The following PLEKHA5 variants were observed in gnomAD, a reference collection of about 807,000 sequenced individuals.
PLEKHA5 encodes pleckstrin homology domain-containing family A member 5.
A neutral mutation model predicts 181.9 loss-of-function variants in PLEKHA5; 55 were observed. That is an observed-to-expected ratio of 0.30 (90% CI 0.24 to 0.38). The LOEUF is 0.38. PLEKHA5 is among the 10% of genes least tolerant of loss of function. PLEKHA5 has a pLI of 1.00. For synonymous variants in PLEKHA5, 535 were observed against 529.4 expected (o/e 1.01, Z -0.15); for missense variants, 1,432 against 1,549.5 (o/e 0.92, Z 1.27).
At chr12:19,335,030 GTTTT>G (rs11461419) in intron 20 of PLEKHA5, among the ~76,000 whole-genome samples, 4 of 92,624 alleles carry the variant, frequency 4.3e-5, no homozygotes, top group African/African-American at 1.6e-4. Context: ...TCAGTTTTTT[GTTTT>G]TTTTTTTTTC....
At chr12:19,358,099 T>C (rs112046785) in intron 26 of PLEKHA5, 129 bp from the exon 27 acceptor site, 3 of 657,758 alleles carry the variant, frequency 4.6e-6, no homozygotes, top group African/African-American at 3.6e-5. Context: ...GATATCTAAA[T>C]GACATTCAAA....
At chr12:19,310,313 T>C (rs1383241225) in intron 15 of PLEKHA5, among the ~76,000 whole-genome samples, 1 of 152,172 alleles carries the variant, frequency 6.6e-6, no homozygotes, top group Admixed American at 6.5e-5. Context: ...TATTTATTTA[T>C]GTATTTATTT....
At chr12:19,200,760 A>G (rs1307807723) in intron 3 of PLEKHA5, 1 of 754,672 alleles carries the variant, frequency 1.3e-6, no homozygotes, top group South Asian at 6.0e-5. Flanking sequence ...GGGAAAATGA[A>G]TGATTCAATA....
intron 3 of PLEKHA5, among the ~76,000 whole-genome samples, chr12:19,223,941 C>T (rs951752315): frequency 3.3e-5 from 5 of 152,170 alleles, no homozygotes; most frequent in African/African-American, 9.7e-5. Context: ...TTGAATATCA[C>T]TCATCTCACT....
intron 3 of PLEKHA5, among the ~76,000 whole-genome samples, chr12:19,210,426 A>C (rs2056674250): frequency 6.6e-6 from 1 of 152,200 alleles, no homozygotes; most frequent in African/African-American, 2.4e-5. Context: ...GTTGTCATTT[A>C]ACATGAATGA....
intron 9 of PLEKHA5, 114 bp from the exon 10 acceptor site, chr12:19,270,074 C>T: frequency 1.5e-6 from 1 of 672,062 alleles, no homozygotes; most frequent in South Asian, 2.3e-5. Flanking sequence ...GCGATACCAC[C>T]TACATTTTTA....
At chr12:19,306,966 A>G (rs774687697) in intron 15 of PLEKHA5, 65 of 1,314,506 alleles carry the variant, frequency 4.9e-5, no homozygotes, top group Non-Finnish European at 6.5e-5. Flanking sequence ...CTCCTAACCC[A>G]CTTACTCAGA....
intron 29 of PLEKHA5, among the ~76,000 whole-genome samples, chr12:19,362,266 GC>G (rs2095272651): frequency 1.3e-5 from 2 of 151,620 alleles, no homozygotes; most frequent in Admixed American, 6.6e-5. Context: ...AGGAGCAGTG[GC>G]TTATGCCTGT....
chr12:19,181,731 G>A (rs968730501), intron 3 of PLEKHA5, among the ~76,000 whole-genome samples: 1 of 152,142 alleles, frequency 6.6e-6, no homozygotes, highest in Non-Finnish European at 1.5e-5. Flanking sequence ...AGCCGAGATC[G>A]CGCCACTGCA....
intron 20 of PLEKHA5, among the ~76,000 whole-genome samples, chr12:19,332,383 A>AT (rs2092933009): frequency 6.6e-6 from 1 of 152,198 alleles, no homozygotes; most frequent in African/African-American, 2.4e-5. Context: ...AGTTTAGCCA[A>AT]TATCTATATC....
At chr12:19,365,541 A>G (rs1026908130) in intron 29 of PLEKHA5, among the ~76,000 whole-genome samples, 5 of 152,178 alleles carry the variant, frequency 3.3e-5, no homozygotes, top group African/African-American at 1.2e-4. Flanking sequence ...ACTTTAAGGA[A>G]TTTGTCAGGC....
In PLEKHA5 at chr12:19,375,692, AC is replaced by A. The variant is rs2095697407; in HGVS notation, c.*174del. On this transcript the variant is annotated 3_prime_UTR_variant, in exon 32 of 32. Transcript: ENST00000429027. ...ACTTCTGGAAAATGTTTATTCCAAA[AC>A]AGCTTTAATGGCCCATATGTACACT... 1 of 152,580 alleles carries A rather than the reference AC, an allele frequency of 6.6e-6. No homozygotes were observed. Among genetic ancestry groups the A allele is most frequent in the Non-Finnish European group, 1.5e-5 (1 of 68,036 alleles). The allele number at this position is 152,580 out of a possible 1,614,324, so 9.5% of individuals were successfully genotyped here.
At chr12:19,146,770 T>C (rs2039035185) in intron 3 of PLEKHA5, among the ~76,000 whole-genome samples, 1 of 152,194 alleles carries the variant, frequency 6.6e-6, no homozygotes, top group South Asian at 2.1e-4. Flanking sequence ...GTGACCACAG[T>C]GTGCATCTTC....
At chr12:19,276,127 G>T (rs376541643) in intron 11 of PLEKHA5, among the ~76,000 whole-genome samples, 2 of 152,274 alleles carry the variant, frequency 1.3e-5, no homozygotes, top group South Asian at 2.1e-4. Context: ...TATGCAAAGC[G>T]CCAGGCTTGG....
intron 3 of PLEKHA5, among the ~76,000 whole-genome samples, chr12:19,138,754 GGGAACACGTATAATATGTGAATAT>G (rs1359317721): frequency 1.3e-5 from 2 of 151,936 alleles, no homozygotes; most frequent in Non-Finnish European, 2.9e-5. Flanking sequence ...TCATGGGGCT[GGGAACACGTATAATATGTGAATAT>G]GTGTGATGAG....
intron 7 of PLEKHA5, among the ~76,000 whole-genome samples, chr12:19,264,798 A>AAGT (rs1467709866): frequency 1.3e-4 from 17 of 134,396 alleles, no homozygotes; most frequent in Non-Finnish European, 2.2e-4. Flanking sequence ...CAAAAAAGTC[A>AAGT]CACACAGCAA....
rs776276397 is a variant in PLEKHA5, at chr12:19,376,073, G to T, written c.*554G>T. 1.3e-5 allele frequency: 2 copies of T among 150,038 alleles called. No homozygotes were observed. The highest frequency in any genetic ancestry group is 4.9e-5 in the African/African-American group (2 of 40,664). 9.3% of individuals were successfully genotyped at this position (150,038 alleles called of 1,614,324 possible). On this transcript the variant is annotated 3_prime_UTR_variant, in exon 32 of 32. Coordinates refer to ENST00000429027, the MANE Select transcript of PLEKHA5 (RefSeq NM_001256470.2). ...CTGTTTTCTGCTATAATTCTTTCTC[G>T]GTCAGATTGCAATGTCAGCAGTTAC...
At chr12:19,287,293 C>T (rs139018208) in intron 12 of PLEKHA5, among the ~76,000 whole-genome samples, 180 bp from the exon 13 acceptor site, 187 of 152,304 alleles carry the variant, frequency 1.2e-3, no homozygotes, top group African/African-American at 4.1e-3. Context: ...CGTGAGCCAC[C>T]GCACCCAGCC....
chr12:19,326,665 G>A (rs2092142794), intron 20 of PLEKHA5, among the ~76,000 whole-genome samples: 1 of 152,162 alleles, frequency 6.6e-6, no homozygotes, highest in Non-Finnish European at 1.5e-5. Context: ...GAGTATGAAT[G>A]AGCCCATCAC....
Sources: allele counts gnomAD v4.1 joint callset (sites outside exome capture counted in the v4.1 genomes callset), GRCh38; gene constraint gnomAD v4.1.1; transcripts MANE v1.5; gene names NCBI Gene and HGNC (gene_info 2026-07-23, HGNC 2026-07-21).